CENPT: variants seen among roughly 807,000 people sequenced by gnomAD.
CENPT encodes the protein interphase centromere complex protein 22.
CENPT carries 42 observed loss-of-function variants against 59.7 expected under a neutral mutation model. That is an observed-to-expected ratio of 0.70 (90% CI 0.55 to 0.91). CENPT has a LOEUF of 0.91. Among genes scored for constraint, CENPT ranks in the 40% least tolerant of loss-of-function variants. CENPT has a pLI of 0.00. For synonymous variants in CENPT, 295 were observed against 289.6 expected (o/e 1.02, Z -0.19); for missense variants, 716 against 713.4 (o/e 1.00, Z -0.04).
chr16:67,842,540 C>G lies in CENPT; in HGVS notation c.-492+4861G>C. On this transcript the variant is annotated intron_variant, in intron 1 of 15. Coordinates refer to ENST00000562787, the MANE Select transcript of CENPT (RefSeq NM_025082.4). This position sits in a 1 kb window ranked among gnomAD's most constrained non-coding sequence, Gnocchi z 4.9. ...CAGGAGGCCGGTGGGCCGGGCCGGG[C>G]CGCGCGGCGCAGCCATGCCTGGCTT... 1 of 1,495,606 alleles carries G rather than the reference C, an allele frequency of 6.7e-7. No homozygotes were observed. The highest frequency in any genetic ancestry group is 8.9e-7 in the Non-Finnish European group (1 of 1,119,256). 92.6% of individuals were successfully genotyped at this position (1,495,606 alleles called of 1,614,324 possible).
At position 67,829,658 on chromosome 16, in the gene CENPT, C is replaced by A; in HGVS notation, c.1186+107G>T. ...CAGGTGCCCCTCAGTGTCTCCCTGA[C>A]CCCCTACCACCACCAGTGCCCGGAA... is the stretch of plus-strand genomic sequence containing the variant. On this transcript the variant is annotated intron_variant, in intron 12 of 15. Coordinates refer to ENST00000562787, the MANE Select transcript of CENPT (RefSeq NM_025082.4). 10 of 1,361,760 alleles carry A rather than the reference C, an allele frequency of 7.3e-6. No homozygotes were observed. In the South Asian group the frequency reaches 1.2e-4, roughly 16 times the overall value. The allele number at this position is 1,361,760 out of a possible 1,614,324, so 84.4% of individuals were successfully genotyped here.
At position 67,832,199 on chromosome 16, in the gene CENPT, C is replaced by T; in HGVS notation, c.289+29G>A. On this transcript the variant is annotated intron_variant, in intron 6 of 15. Transcript: ENST00000562787. ...AGACTGGGGTTGGACTGGTACCTAA[C>T]TCTGACCGGCAGGCCAGCGCTCACT... 3.1e-6 allele frequency: 5 copies of T among 1,613,096 alleles called. No homozygotes were observed. The South Asian group carries it at 3.3e-5, about 11-fold the overall frequency.
intron 4 of CENPT, among the ~76,000 whole-genome samples, 182 bp downstream of exon 4, chr16:67,833,568 C>CCT (rs1434204159): frequency 6.6e-6 from 1 of 152,188 alleles, no homozygotes; most frequent in Non-Finnish European, 1.5e-5. Context: ...AGTCCCAGGC[C>CCT]CTGCTCCTCT....
At chr16:67,829,563 C>G in intron 12 of CENPT, 47 bp from the exon 13 acceptor site, 1 of 1,515,330 alleles carries the variant, frequency 6.6e-7, no homozygotes, top group Non-Finnish European at 9.0e-7. Flanking sequence ...GCCTGACCAT[C>G]TCACCCAGGC....
chr16:67,831,880 G>C lies in CENPT; in HGVS notation c.397C>G (p.Gln133Glu), dbSNP rs1300091325. The change falls in exon 8 of 16, where the codon CAA (glutamine) becomes GAA (glutamate). Residue 133 changes from glutamine (Q) to glutamate (E), a missense_variant. Gln to Glu is a conservative substitution (Grantham distance 29). Coordinates refer to ENST00000562787, the MANE Select transcript of CENPT (RefSeq NM_025082.4). ...GTGGGGGGCTCGAGCTCAGGAAGTT[G>C]CAGCTCCAGGCTATAAGAATGGAGC... ...QESSCGSLEL[Q>E]LPELEPPTTL... The C allele has an allele frequency of 1.3e-5, 21 of 1,611,268 alleles. No individual in the cohort carries two copies. Among genetic ancestry groups the C allele is most frequent in the Admixed American group, 1.7e-5 (1 of 59,432 alleles).
intron 4 of CENPT, among the ~76,000 whole-genome samples, chr16:67,833,002 T>A (rs2057708427): frequency 6.6e-6 from 1 of 152,296 alleles, no homozygotes; most frequent in African/African-American, 2.4e-5. Context: ...CAGAGCCACA[T>A]AAGTGTTCCC....
intron 1 of CENPT, among the ~76,000 whole-genome samples, chr16:67,837,451 G>A (rs1159325502): frequency 2.0e-5 from 3 of 150,640 alleles, no homozygotes; most frequent in Non-Finnish European, 4.4e-5. Context: ...GCTCACACCT[G>A]TAATCCTAGC....
chr16:67,829,611 G>A, intron 12 of CENPT, 95 bp from the exon 13 acceptor site: 2 of 1,347,048 alleles, frequency 1.5e-6, no homozygotes, highest in Non-Finnish European at 2.1e-6. Context: ...TTTCTGGTGG[G>A]CCCCACCTAG....
Position 67,842,889 on chromosome 16 carries a change from A to G in CENPT, c.-492+4512T>C. ...CAGCAGCAGCAACAGCAGCAGCAGC[A>G]GCAACAGCAGCAACAGCAGCAGCAG... On this transcript the variant is annotated intron_variant, in intron 1 of 15. Coordinates refer to ENST00000562787, the MANE Select transcript of CENPT (RefSeq NM_025082.4). This position sits in a 1 kb window ranked among gnomAD's most constrained non-coding sequence, Gnocchi z 4.9. The G allele has an allele frequency of 6.3e-7, 1 of 1,586,310 alleles. No individual in the cohort carries two copies. The highest frequency in any genetic ancestry group is 8.5e-7 in the Non-Finnish European group (1 of 1,170,292).
chr16:67,829,072 C>T, intron 13 of CENPT: 1 of 545,014 alleles, frequency 1.8e-6, no homozygotes, highest in Non-Finnish European at 3.2e-6. Context: ...CTGGTTCAGA[C>T]TTATTATCTA....
chr16:67,847,208 G>C (rs2057809747), intron 1 of CENPT, 193 bp downstream of exon 1: 1 of 151,986 alleles, frequency 6.6e-6, no homozygotes. Context: ...CCAGCCGGGC[G>C]CCTATCTGGG....
At position 67,832,074 on chromosome 16, in the gene CENPT, T is replaced by C; in HGVS notation, c.324A>G (p.Val108=). 3 of 1,612,378 alleles carry C rather than the reference T, an allele frequency of 1.9e-6. No individual in the cohort carries two copies. The highest frequency in any genetic ancestry group is 1.1e-5 in the South Asian group (1 of 90,886). ...PESSILMPES[V]VKPVPAPQAV... is the part of the protein sequence containing the mutation. ...CCTGCGGTGCTGGCACTGGCTTCACTACCGACTCAGGCATCAGGATGGAAG... is the reference window on the plus strand; with the variant it reads ...CCTGCGGTGCTGGCACTGGCTTCACCACCGACTCAGGCATCAGGATGGAAG... The change falls in exon 7 of 16, where the codon GTA becomes GTG. Residue 108 remains valine, a synonymous_variant. Coordinates refer to ENST00000562787, the MANE Select transcript of CENPT (RefSeq NM_025082.4).
intron 10 of CENPT, 122 bp downstream of exon 10, chr16:67,831,094 C>G: frequency 7.7e-7 from 1 of 1,296,996 alleles, no homozygotes; most frequent in Admixed American, 1.8e-5. Context: ...ACCCACTGAC[C>G]AGAGTTGCTC....
intron 1 of CENPT, among the ~76,000 whole-genome samples, chr16:67,840,866 T>TC (rs573528708): frequency 6.6e-6 from 1 of 151,156 alleles, no homozygotes; most frequent in Non-Finnish European, 1.5e-5. Flanking sequence ...TAAAACATTT[T>TC]CCCCCAGCCA....
At position 67,843,296 on chromosome 16, in the gene CENPT, T is replaced by C. The variant is rs1213605930; in HGVS notation, c.-492+4105A>G. On this transcript the variant is annotated intron_variant, in intron 1 of 15. Coordinates refer to ENST00000562787, the MANE Select transcript of CENPT (RefSeq NM_025082.4). The surrounding 1 kb of genome is among the most constrained non-coding windows in gnomAD (Gnocchi z 5.7). ...TACTGGCTCCGACCATTCGTACTCCTTGTCGTCAGGCACCACGGAGGAGGA... is the reference window on the plus strand; with the variant it reads ...TACTGGCTCCGACCATTCGTACTCCCTGTCGTCAGGCACCACGGAGGAGGA... 18 of 1,613,856 alleles carry C rather than the reference T, an allele frequency of 1.1e-5. No individual in the cohort carries two copies. The highest frequency in any genetic ancestry group is 1.5e-5 in the Non-Finnish European group (18 of 1,180,012).
chr16:67,838,100 T>C (rs2057742988), intron 1 of CENPT, among the ~76,000 whole-genome samples: 1 of 152,208 alleles, frequency 6.6e-6, no homozygotes, highest in Non-Finnish European at 1.5e-5. Flanking sequence ...GAGAAAGCCA[T>C]GCATTCCAGA....
intron 1 of CENPT, among the ~76,000 whole-genome samples, chr16:67,844,611 GA>G (rs2057785121): frequency 6.6e-6 from 1 of 152,198 alleles, no homozygotes; most frequent in African/African-American, 2.4e-5. Context: ...GTTACTCTGT[GA>G]ACCGGTAAGA....
chr16:67,831,786 T>C lies in CENPT; in HGVS notation c.491A>G (p.Gln164Arg), dbSNP rs556225780. 6.3e-7 allele frequency: 1 copy of C among 1,589,080 alleles called. No individual in the cohort carries two copies. The highest frequency in any genetic ancestry group is 2.2e-5 in the East Asian group (1 of 44,734). ...KQRLRLSVFQ[Q>R]GVDQGLSLSQ... The stretch of plus-strand genomic sequence containing the variant: ...GAGAGACAGCCCCTGGTCCACTCCC[T>C]GCTGAAACACTGACAGTCTCAGCCT... Residue 164 changes from glutamine (Q) to arginine (R), a missense_variant, in exon 8 of 16, where the codon CAG becomes CGG. Transcript: ENST00000562787.
At chr16:67,836,897 A>T (rs2057737496) in intron 1 of CENPT, among the ~76,000 whole-genome samples, 1 of 152,012 alleles carries the variant, frequency 6.6e-6, no homozygotes, top group African/African-American at 2.4e-5. Context: ...GCCCACTACC[A>T]CGCCCGGCTA....
Sources: allele counts gnomAD v4.1 joint callset (sites outside exome capture counted in the v4.1 genomes callset), GRCh38; gene constraint gnomAD v4.1.1; non-coding constraint Gnocchi (gnomAD v3.1); transcripts MANE v1.5; gene names NCBI Gene and HGNC (gene_info 2026-07-23, HGNC 2026-07-21).